Variants in IQCH observed in about 807,000 individuals in gnomAD.
IQCH encodes the protein IQ domain-containing protein H.
Under a neutral mutation model 117.0 loss-of-function variants are expected in IQCH, and 98 were observed. The observed-to-expected ratio is 0.84, with a 90% CI of 0.71 to 0.99. The LOEUF is 0.99. Ranked by LOEUF, IQCH falls within the 50% of genes least tolerant of loss-of-function variation. IQCH has a pLI of 0.00. For missense variants in IQCH, 1,102 were observed against 1,243.8 expected (o/e 0.89, Z 1.72); for synonymous variants, 412 against 448.2 (o/e 0.92, Z 1.02).
intron 18 of IQCH, among the ~76,000 whole-genome samples, chr15:67,486,180 G>A (rs1250227749): frequency 1.3e-5 from 2 of 151,230 alleles, no homozygotes; most frequent in African/African-American, 4.9e-5. Context: ...ACAGGTGCGT[G>A]CCACCATGCC....
chr15:67,353,535 A>G (rs569574117), intron 6 of IQCH, among the ~76,000 whole-genome samples: 1 of 151,850 alleles, frequency 6.6e-6, no homozygotes, highest in South Asian at 2.1e-4. Flanking sequence ...AATTTTTTGT[A>G]TTTTAGTAGA....
chr15:67,401,980 G>A lies in IQCH; in HGVS notation c.2097+1675G>A, dbSNP rs1971679891. Among the ~76,000 whole-genome samples the A allele has an allele frequency of 1.3e-5, 2 of 152,086 alleles. No individual in the cohort carries two copies. Among genetic ancestry groups the A allele is most frequent in the Admixed American group, 1.3e-4 (2 of 15,254 alleles). On this transcript the variant is annotated intron_variant, in intron 14 of 20. Transcript: ENST00000335894. This position sits in a 1 kb window ranked among gnomAD's most constrained non-coding sequence, Gnocchi z 4.7. ...ATGTGCAAAGTATTTGTTGGCTTCA[G>A]TATTTCAAACCAATAATTTTTAAAG...
At position 67,336,682 on chromosome 15, in the gene IQCH, G is replaced by A. The variant is rs192105646; in HGVS notation, c.388-293G>A. ...CAAGATTTAGCATTTGTATATTGTA[G>A]TCATTAAAATTGAACAAAATCTTAA... On this transcript the variant is annotated intron_variant, in intron 4 of 20. Coordinates refer to ENST00000335894, the MANE Select transcript of IQCH (RefSeq NM_001031715.3). Among the ~76,000 whole-genome samples, 898 of 152,158 alleles carry A rather than the reference G, an allele frequency of 5.9e-3. 10 individuals are homozygous for A. The highest frequency in any genetic ancestry group is 0.021 in the African/African-American group (864 of 41,530).
intron 4 of IQCH, among the ~76,000 whole-genome samples, chr15:67,290,777 GT>G (rs1478564207): frequency 1.1e-4 from 16 of 152,258 alleles, no homozygotes; most frequent in Admixed American, 1.0e-3. Flanking sequence ...CAAACTTTGA[GT>G]GTCAAATTTG....
At chr15:67,280,022 A>T (rs1269678969) in intron 4 of IQCH, among the ~76,000 whole-genome samples, 1 of 152,182 alleles carries the variant, frequency 6.6e-6, no homozygotes, top group Non-Finnish European at 1.5e-5. Flanking sequence ...TCTAAAAAAA[A>T]AAAATGTGAA....
At chr15:67,308,928 A>T (rs1967447609) in intron 4 of IQCH, among the ~76,000 whole-genome samples, 2 of 152,070 alleles carry the variant, frequency 1.3e-5, no homozygotes, top group Admixed American at 1.3e-4. Context: ...TAATTTATTT[A>T]TAGTGGTATG....
chr15:67,367,005 A>G (rs962290903), intron 8 of IQCH, among the ~76,000 whole-genome samples: 53 of 152,302 alleles, frequency 3.5e-4, no homozygotes, highest in African/African-American at 7.9e-4. Context: ...TAAAAAGCCA[A>G]TACCCCTGCA....
chr15:67,451,200 G>A (rs955499675), intron 16 of IQCH, among the ~76,000 whole-genome samples: 2 of 152,000 alleles, frequency 1.3e-5, no homozygotes, highest in African/African-American at 4.8e-5. Flanking sequence ...ATTTTTTGAA[G>A]GGTTTCTTGT....
chr15:67,258,864 A>G (rs1468128341), intron 1 of IQCH, among the ~76,000 whole-genome samples: 1 of 152,242 alleles, frequency 6.6e-6, no homozygotes, highest in Admixed American at 6.5e-5. Flanking sequence ...AAAGAGATTT[A>G]GAACTCAAAT....
In IQCH at chr15:67,421,387, CAG is replaced by C. The variant is rs1173000920; in HGVS notation, c.2316_2317del (p.Asp774ProfsTer5). 2.5e-6 allele frequency: 4 copies of C among 1,614,088 alleles called. No homozygotes were observed. The highest frequency in any genetic ancestry group is 1.7e-5 in the Admixed American group (1 of 60,012). On this transcript the variant is annotated frameshift_variant, in exon 16 of 21. Transcript: ENST00000335894. LOFTEE classifies it high-confidence loss of function. The stretch of plus-strand genomic sequence containing the variant: ...AACGGGAAAATCAGCGTGCTGTCGA[CAG>C]GGGACCAGCTTCATGCTGAAAGCCC...
rs1187800239 is a variant in IQCH at position 67,421,591 on chromosome 15, A to G, written c.2505+14A>G. ...TTGGAACAACAGGTAAGTTGAATGGATGCCATACGAAATGCTAAAATATGT... is the reference window on the plus strand; with the variant it reads ...TTGGAACAACAGGTAAGTTGAATGGGTGCCATACGAAATGCTAAAATATGT... On this transcript the variant is annotated intron_variant, in intron 16 of 20. Transcript: ENST00000335894. The G allele has an allele frequency of 1.9e-6, 3 of 1,613,384 alleles. No homozygotes were observed. Among genetic ancestry groups the G allele is most frequent in the East Asian group, 2.2e-5 (1 of 44,874 alleles).
At position 67,415,256 on chromosome 15, in the gene IQCH, G is replaced by A. The variant is rs544647614; in HGVS notation, c.2098-1675G>A. Among the ~76,000 whole-genome samples, 3 of 152,222 alleles carry A rather than the reference G, an allele frequency of 2.0e-5. No individual in the cohort carries two copies. The East Asian group carries it at 5.8e-4, about 29-fold the overall frequency. On this transcript the variant is annotated intron_variant, in intron 14 of 20. Transcript: ENST00000335894. Reference sequence around the variant, plus strand: ...GCACAGCGTATAGGATATGAAGGGAGGGAAAAGGCCCATTGCTTTGACAGC... The same window carrying A: ...GCACAGCGTATAGGATATGAAGGGAAGGAAAAGGCCCATTGCTTTGACAGC...
intron 4 of IQCH, among the ~76,000 whole-genome samples, chr15:67,302,453 A>G (rs1365022281): frequency 1.3e-5 from 2 of 152,166 alleles, no homozygotes; most frequent in African/African-American, 4.8e-5. Context: ...TACTTTTGTG[A>G]CCACGTGTAC....
At chr15:67,478,552 A>G (rs1044587890) in intron 18 of IQCH, among the ~76,000 whole-genome samples, 7 of 152,188 alleles carry the variant, frequency 4.6e-5, no homozygotes, top group African/African-American at 1.4e-4. Context: ...CAAAGAAGAA[A>G]AAGATAAGAG....
intron 16 of IQCH, among the ~76,000 whole-genome samples, chr15:67,438,274 C>G (rs903813602): frequency 2.0e-5 from 3 of 152,094 alleles, no homozygotes; most frequent in African/African-American, 7.2e-5. Context: ...AATTATCAGC[C>G]AAGAATTTTG....
rs1231191707 is a variant in IQCH at position 67,494,526 on chromosome 15, C to G, written c.2970+160C>G. Among the ~76,000 whole-genome samples the G allele has an allele frequency of 1.3e-5, 2 of 152,118 alleles. No homozygotes were observed. Among genetic ancestry groups the G allele is most frequent in the Admixed American group, 1.3e-4 (2 of 15,272 alleles). ...CAATACTGTAAGGTTCCCACTGAGG[C>G]TGTTAGTTAAATTTAATAGTTTGAA... On this transcript the variant is annotated intron_variant, in intron 20 of 20. Transcript: ENST00000335894. The surrounding 1 kb of genome is among the most constrained non-coding windows in gnomAD (Gnocchi z 5.5).
In IQCH at chr15:67,293,782, A is replaced by G. The variant is rs551398718; in HGVS notation, c.387+14270A>G. Among the ~76,000 whole-genome samples the G allele has an allele frequency of 1.1e-4, 17 of 152,282 alleles. No individual in the cohort carries two copies. The East Asian group carries it at 3.3e-3, about 29-fold the overall frequency. On this transcript the variant is annotated intron_variant, in intron 4 of 20. Transcript: ENST00000335894. ...TTTGATGGCTCTGAAGGAGCAAGTC[A>G]TGTGCCTCCTTGGAGGAAATGCATC...
chr15:67,389,157 A>G (rs1971201422), intron 12 of IQCH, 151 bp downstream of exon 12: 2 of 637,110 alleles, frequency 3.1e-6, no homozygotes, highest in African/African-American at 3.7e-5. Context: ...GTCTGTAGGA[A>G]ATAAATATTC....
chr15:67,266,845 AAG>A (rs901357523), intron 3 of IQCH, among the ~76,000 whole-genome samples: 8 of 152,152 alleles, frequency 5.3e-5, no homozygotes, highest in African/African-American at 1.9e-4. Context: ...GGTGAAAAAA[AAG>A]CTCATGCTAA....
Sources: allele counts gnomAD v4.1 joint callset (sites outside exome capture counted in the v4.1 genomes callset), GRCh38; gene constraint gnomAD v4.1.1; non-coding constraint Gnocchi (gnomAD v3.1); transcripts MANE v1.5; gene names NCBI Gene and HGNC (gene_info 2026-07-23, HGNC 2026-07-21).